The following CDH13 variants were observed in gnomAD, a reference collection of about 807,000 sequenced individuals.
The protein encoded by CDH13 is cadherin 13.
Under a neutral mutation model 63.8 loss-of-function variants are expected in CDH13, and 24 were observed. That is an observed-to-expected ratio of 0.38 (90% confidence interval 0.27 to 0.53). CDH13 has a LOEUF of 0.53. Among genes scored for constraint, CDH13 ranks in the 20% least tolerant of loss-of-function variants. The probability of loss-of-function intolerance (pLI) is 0.85; values close to 1 mark genes in which losing one functional copy is unlikely to be tolerated. For synonymous variants in CDH13, 503 were observed against 355.3 expected (o/e 1.42, Z -4.67); for missense variants, 1,049 against 903.1 (o/e 1.16, Z -2.07).
At chr16:83,180,403 T>C (rs1189501946) in intron 4 of CDH13, among the ~76,000 whole-genome samples, 3 of 152,192 alleles carry the variant, frequency 2.0e-5, no homozygotes, top group Non-Finnish European at 4.4e-5. Context: ...TATCCTAATA[T>C]GGATTATCAT....
chr16:83,031,409 TGTATACACGTATATG>T (rs1363935066), intron 2 of CDH13, among the ~76,000 whole-genome samples: 10 of 148,058 alleles, frequency 6.8e-5, no homozygotes, highest in Admixed American at 1.3e-4. Context: ...TACATGTATA[TGTATACACGTATATG>T]GTATATACAT....
intron 3 of CDH13, among the ~76,000 whole-genome samples, chr16:83,070,403 T>C (rs2032344145): frequency 6.6e-6 from 1 of 152,228 alleles, no homozygotes; most frequent in African/African-American, 2.4e-5. Flanking sequence ...TTTCCCTTTA[T>C]CTTCTTTTCT....
At chr16:83,001,802 C>T (rs936435733) in intron 2 of CDH13, among the ~76,000 whole-genome samples, 3 of 152,180 alleles carry the variant, frequency 2.0e-5, no homozygotes, top group African/African-American at 7.2e-5. Flanking sequence ...AGGCTCGAGA[C>T]ACATGTTGGA....
At chr16:83,231,298 G>A (rs191678480) in intron 5 of CDH13, among the ~76,000 whole-genome samples, 4 of 152,330 alleles carry the variant, frequency 2.6e-5, no homozygotes, top group East Asian at 3.9e-4. Flanking sequence ...CTGAAGGTCA[G>A]CTACTGAAAG....
intron 1 of CDH13, among the ~76,000 whole-genome samples, chr16:82,727,094 G>A (rs1372163306): frequency 2.0e-5 from 3 of 152,288 alleles, no homozygotes; most frequent in South Asian, 2.1e-4. Context: ...TGAGGGCGGC[G>A]GCGGTGGTGG....
At chr16:82,647,315 C>G (rs1910211298) in intron 1 of CDH13, among the ~76,000 whole-genome samples, 1 of 152,104 alleles carries the variant, frequency 6.6e-6, no homozygotes, top group Non-Finnish European at 1.5e-5. Context: ...ACTTAACAGA[C>G]CATGGTTGTG....
intron 1 of CDH13, among the ~76,000 whole-genome samples, chr16:82,844,145 G>T (rs2039148612): frequency 6.6e-6 from 1 of 152,130 alleles, no homozygotes; most frequent in Non-Finnish European, 1.5e-5. Context: ...CTTACAGAAG[G>T]GAAGTAGGAG....
intron 8 of CDH13, among the ~76,000 whole-genome samples, chr16:83,617,045 C>G (rs571513114): frequency 6.6e-6 from 1 of 152,278 alleles, no homozygotes; most frequent in African/African-American, 2.4e-5. Flanking sequence ...CTTCCTTGTC[C>G]CAAAACATGT....
At chr16:83,092,481 C>T (rs184619572) in intron 3 of CDH13, among the ~76,000 whole-genome samples, 6 of 152,292 alleles carry the variant, frequency 3.9e-5, no homozygotes, top group African/African-American at 9.6e-5. Context: ...AACTAGAGTT[C>T]GTTAACTTGT....
chr16:83,713,833 G>A lies in CDH13; in HGVS notation c.1539-34275G>A, dbSNP rs1365140720. Reference sequence around the variant, plus strand: ...GCCCTGCATGTGCCGTCAGGGTGGGGCTATCAGGAATCTCTCTCCCTCTTG... The same window carrying A: ...GCCCTGCATGTGCCGTCAGGGTGGGACTATCAGGAATCTCTCTCCCTCTTG... On this transcript the variant is annotated intron_variant, in intron 10 of 13. Coordinates refer to ENST00000567109, the MANE Select transcript of CDH13 (RefSeq NM_001257.5). Among the ~76,000 whole-genome samples the A allele has an allele frequency of 5.3e-5, 8 of 152,284 alleles. No individual in the cohort carries two copies. In the South Asian group the frequency reaches 8.3e-4, roughly 16 times the overall value.
chr16:83,401,461 G>A (rs1239981269), intron 6 of CDH13, among the ~76,000 whole-genome samples: 2 of 152,126 alleles, frequency 1.3e-5, no homozygotes, highest in African/African-American at 4.8e-5. Flanking sequence ...GCAGTGAGCT[G>A]AGATCGCATC....
chr16:82,827,416 A>G (rs1156233533), intron 1 of CDH13, among the ~76,000 whole-genome samples: 1 of 152,212 alleles, frequency 6.6e-6, no homozygotes, highest in Non-Finnish European at 1.5e-5. Flanking sequence ...AGGTGGAGCC[A>G]GAGGTTCTGA....
intron 6 of CDH13, among the ~76,000 whole-genome samples, chr16:83,466,955 G>C (rs945995777): frequency 6.6e-6 from 1 of 152,006 alleles, no homozygotes; most frequent in Non-Finnish European, 1.5e-5. Flanking sequence ...CTAGACTGCC[G>C]ACTAACTTCT....
chr16:83,330,675 C>T (rs544579767), intron 5 of CDH13, among the ~76,000 whole-genome samples: 1 of 152,282 alleles, frequency 6.6e-6, no homozygotes, highest in Admixed American at 6.5e-5. Context: ...GAGTGTGGGC[C>T]TGGAGCTGGT....
intron 8 of CDH13, among the ~76,000 whole-genome samples, chr16:83,646,713 ACACACAC>A (rs1384758846): frequency 1.7e-4 from 3 of 17,736 alleles, no homozygotes; most frequent in Non-Finnish European, 3.6e-4. Context: ...AAAAAAAAAA[ACACACAC>A]ACACACACAC....
chr16:83,593,386 A>G (rs1344200168), intron 7 of CDH13, among the ~76,000 whole-genome samples: 1 of 152,182 alleles, frequency 6.6e-6, no homozygotes, highest in African/African-American at 2.4e-5. Context: ...TCACTGGCTC[A>G]CAATAGCCAA....
chr16:83,626,827 C>G (rs1269449806), intron 8 of CDH13, among the ~76,000 whole-genome samples: 1 of 152,156 alleles, frequency 6.6e-6, no homozygotes, highest in Non-Finnish European at 1.5e-5. Flanking sequence ...CACAGACTCC[C>G]TGTACCCGCT....
intron 6 of CDH13, among the ~76,000 whole-genome samples, chr16:83,428,420 T>C (rs1247150470): frequency 6.6e-6 from 1 of 152,216 alleles, no homozygotes; most frequent in African/African-American, 2.4e-5. Context: ...TAGCTTTGTT[T>C]GTTTTTCCAT....
intron 3 of CDH13, among the ~76,000 whole-genome samples, chr16:83,034,762 C>A (rs1301193735): frequency 2.0e-5 from 3 of 152,156 alleles, no homozygotes; most frequent in African/African-American, 7.2e-5. Context: ...GGACCAACCC[C>A]ACCTTGAGGG....
Sources: gnomAD v4.1 joint callset for allele counts (sites outside exome capture counted in the v4.1 genomes callset) on GRCh38, gnomAD v4.1.1 for gene constraint, MANE v1.5 for transcripts, NCBI Gene and HGNC (gene_info 2026-07-23, HGNC 2026-07-21) for gene names.